Variants in HOXA3 observed in about 807,000 individuals in gnomAD.
HOXA3 encodes homeobox protein Hox-A3.
Under a neutral mutation model 30.3 loss-of-function variants are expected in HOXA3, and 8 were observed. The ratio of observed to expected loss-of-function variants is 0.26; its 90% CI spans 0.15 to 0.48. The LOEUF is 0.48. Ranked by LOEUF, HOXA3 falls within the 20% of genes least tolerant of loss-of-function variation. The probability of loss-of-function intolerance (pLI) is 0.99; values close to 1 mark genes in which losing one functional copy is unlikely to be tolerated. For missense variants in HOXA3, 653 were observed against 614.4 expected (o/e 1.06, Z -0.66); for synonymous variants, 323 against 273.1 (o/e 1.18, Z -1.80).
chr7:27,107,906 A>G lies in HOXA3; in HGVS notation c.*9T>C, dbSNP rs778557985. The G allele has an allele frequency of 6.5e-6, 10 of 1,544,694 alleles. 1 individual carries two copies. In the South Asian group the frequency reaches 1.2e-4, roughly 18 times the overall value. On this transcript the variant is annotated 3_prime_UTR_variant, in exon 6 of 6. Coordinates refer to ENST00000612286, the MANE Select transcript of HOXA3 (RefSeq NM_153631.3). The stretch of plus-strand genomic sequence containing the variant: ...GAGACTCTCCTGGCGCGTAGCCCCA[A>G]GCCCACTATCACAGGTGGGTGAGCT...
intron 3 of HOXA3, among the ~76,000 whole-genome samples, chr7:27,125,381 T>C (rs1583391231): frequency 3.3e-5 from 5 of 152,300 alleles, no homozygotes; most frequent in Admixed American, 1.3e-4. Context: ...CCAGAGAAAG[T>C]AGGGCTGGCT....
intron 1 of HOXA3, among the ~76,000 whole-genome samples, chr7:27,149,791 T>C (rs1782906937): frequency 1.3e-5 from 2 of 152,276 alleles, no homozygotes; most frequent in Non-Finnish European, 1.5e-5. Flanking sequence ...AAAACATGTT[T>C]GTGTTATTTT....
intron 4 of HOXA3, among the ~76,000 whole-genome samples, chr7:27,120,658 G>A (rs924035859): frequency 9.2e-5 from 14 of 151,920 alleles, no homozygotes; most frequent in Non-Finnish European, 1.3e-4. Context: ...GCCTCCAAAC[G>A]GCTGCTAACA....
intron 2 of HOXA3, chr7:27,130,289 C>A (rs1785473996): frequency 1.8e-6 from 2 of 1,095,686 alleles, no homozygotes. Context: ...GCTGGGGGCA[C>A]GGCGCGAGGC....
rs146053072 is a variant in HOXA3, at chr7:27,152,366, T to C, written c.-572A>G. The stretch of plus-strand genomic sequence containing the variant: ...CAGCCCGAGAGAAGAATTGTCCTCT[T>C]TCCTGGTGCCAGAGGACGCAGGAAA... On this transcript the variant is annotated 5_prime_UTR_variant, in exon 1 of 6. Coordinates refer to ENST00000612286, the MANE Select transcript of HOXA3 (RefSeq NM_153631.3). 314 of 1,206,972 alleles carry C rather than the reference T, an allele frequency of 2.6e-4. 7 individuals carry two copies. In the East Asian group the frequency reaches 0.019, roughly 73 times the overall value. The allele number at this position is 1,206,972 out of a possible 1,614,324, so 74.8% of individuals were successfully genotyped here.
At chr7:27,141,099 C>T (rs1466729019) in intron 1 of HOXA3, 3 of 102,038 alleles carry the variant, frequency 2.9e-5, no homozygotes, top group African/African-American at 1.2e-4. Flanking sequence ...GTATTTTTTC[C>T]TTAAAAACAA....
In HOXA3 at chr7:27,108,303, G is replaced by A. The variant is rs1784142912; in HGVS notation, c.944C>T (p.Ser315Phe). ...TGGCGGGGGTGCGCAGCTGGGCAGG[G>A]ACGCAGGGTAGGAGGCGGGGGGCAG... ...YGLPPASYPA[S>F]LPSCAPPPPP... Residue 315 changes from serine to phenylalanine, a missense_variant, in exon 6 of 6, where the codon TCC (serine) becomes TTC (phenylalanine). By Grantham distance (155) the Ser-to-Phe change is radical. This residue lies in a region of HOXA3 where 330 missense variants were observed against 274.4 expected (regional missense o/e 1.20). Transcript: ENST00000612286. The surrounding 1 kb of genome is among the most constrained non-coding windows in gnomAD (Gnocchi z 5.0). 1 of 1,525,054 alleles carries A rather than the reference G, an allele frequency of 6.6e-7. No homozygotes were observed. The highest frequency in any genetic ancestry group is 1.4e-5 in the African/African-American group (1 of 72,352). The allele number at this position is 1,525,054 out of a possible 1,614,324, so 94.5% of individuals were successfully genotyped here.
intron 1 of HOXA3, chr7:27,147,187 CTT>C: frequency 9.6e-7 from 1 of 1,044,786 alleles, no homozygotes; most frequent in Non-Finnish European, 1.4e-6. Flanking sequence ...GCCAAAGAAA[CTT>C]TGCTGGTTCT....
At chr7:27,119,944 A>G (rs1447029300) in intron 4 of HOXA3, among the ~76,000 whole-genome samples, 2 of 152,184 alleles carry the variant, frequency 1.3e-5, no homozygotes, top group African/African-American at 4.8e-5. Context: ...CAAGCTGGAA[A>G]GTAAGAACTC....
intron 1 of HOXA3, chr7:27,143,807 G>A: frequency 9.9e-7 from 1 of 1,008,800 alleles, no homozygotes; most frequent in Non-Finnish European, 1.3e-6. Flanking sequence ...ATGACCTCTA[G>A]AGGTAAACTC....
chr7:27,146,414 A>G (rs181950878), intron 1 of HOXA3, among the ~76,000 whole-genome samples: 3 of 152,272 alleles, frequency 2.0e-5, no homozygotes, highest in Admixed American at 6.5e-5. Context: ...GCCCTCTTGA[A>G]TCTTTACACA....
At position 27,107,605 on chromosome 7, in the gene HOXA3, A is replaced by C. The variant is rs550191787; in HGVS notation, c.*310T>G. ...GAAAACTCGACTAGAAAATTTGTTC[A>C]TATACCCTGTTTCTGATCAAAGAGT... On this transcript the variant is annotated 3_prime_UTR_variant, in exon 6 of 6. Transcript: ENST00000612286. 7 of 304,966 alleles carry C rather than the reference A, an allele frequency of 2.3e-5. No individual in the cohort carries two copies. In the South Asian group the frequency reaches 1.1e-3, roughly 49 times the overall value. 18.9% of individuals were successfully genotyped at this position (304,966 alleles called of 1,614,324 possible). A position where few individuals can be genotyped will look rare whatever the true frequency, so the allele number is the denominator to read the frequency against.
At chr7:27,140,566 T>C (rs929956789) in intron 1 of HOXA3, 2 of 152,106 alleles carry the variant, frequency 1.3e-5, no homozygotes, top group Non-Finnish European at 2.9e-5. Flanking sequence ...TGTAGCAAAT[T>C]AATTGTAGCA....
At chr7:27,127,120 T>C (rs896111507) in intron 2 of HOXA3, 50 bp from the exon 3 acceptor site, 4 of 152,228 alleles carry the variant, frequency 2.6e-5, no homozygotes, top group South Asian at 2.1e-4. Context: ...TAATGATTCC[T>C]GGGAAAATTG....
chr7:27,142,815 A>C (rs1040696093), intron 1 of HOXA3: 5 of 457,326 alleles, frequency 1.1e-5, no homozygotes, highest in African/African-American at 6.2e-5. Flanking sequence ...CCCCCTTCCA[A>C]CGTCTAAACT....
intron 5 of HOXA3, among the ~76,000 whole-genome samples, chr7:27,109,271 T>C (rs964947449): frequency 2.6e-5 from 4 of 152,230 alleles, no homozygotes; most frequent in African/African-American, 9.6e-5. Context: ...AAGGTATTTC[T>C]GGTGGGGAGG....
At chr7:27,149,490 G>A (rs998483480) in intron 1 of HOXA3, among the ~76,000 whole-genome samples, 19 of 152,218 alleles carry the variant, frequency 1.2e-4, no homozygotes, top group African/African-American at 4.6e-4. Context: ...CTCCCACAAA[G>A]GGAAAAAATT....
chr7:27,136,481 C>A (rs17500806), intron 2 of HOXA3, among the ~76,000 whole-genome samples: 1 of 152,150 alleles, frequency 6.6e-6, no homozygotes, highest in Admixed American at 6.5e-5. Context: ...GGTGGAGACA[C>A]TTTTTCCCTT....
intron 1 of HOXA3, chr7:27,145,682 G>C: frequency 6.2e-7 from 1 of 1,613,986 alleles, no homozygotes; most frequent in Non-Finnish European, 8.5e-7. Context: ...TTGCCTCTGA[G>C]TCCTCCCCGC....
Sources: allele counts gnomAD v4.1 joint callset (sites outside exome capture counted in the v4.1 genomes callset), GRCh38; gene constraint gnomAD v4.1.1; regional missense constraint gnomAD v4.1.1; non-coding constraint Gnocchi (gnomAD v3.1); transcripts MANE v1.5; gene names NCBI Gene and HGNC (gene_info 2026-07-23, HGNC 2026-07-21).